The following GSDME variants were observed in gnomAD, a reference collection of about 807,000 sequenced individuals.
The protein encoded by GSDME is gasdermin-E.
A neutral mutation model predicts 47.5 loss-of-function variants in GSDME; 44 were observed. The ratio of observed to expected loss-of-function variants is 0.93; its 90% CI spans 0.73 to 1.19. GSDME has a LOEUF of 1.19. Ranked by LOEUF, GSDME falls within the 50% of genes most tolerant of loss-of-function variation. The pLI is 0.00. For missense variants in GSDME, 663 were observed against 604.2 expected, an observed-to-expected ratio of 1.10 and a Z score of -1.02; for synonymous variants, 258 against 252.8, an observed-to-expected ratio of 1.02 and a Z score of -0.20.
chr7:24,763,411 T>C, the GSDME span, among the ~76,000 whole-genome samples: 2 of 151,290 alleles, frequency 1.3e-5, no homozygotes, highest in African/African-American at 4.9e-5. The surrounding 1 kb of genome is among the most constrained non-coding windows in gnomAD (Gnocchi z 4.3). Context: ...ATAAGGGTGA[T>C]CCAACTCAAA....
At chr7:24,794,513 C>T in the GSDME span, among the ~76,000 whole-genome samples, 9 of 152,282 alleles carry the variant, frequency 5.9e-5, no homozygotes, top group South Asian at 1.5e-3. Context: ...GCTGCAACCA[C>T]GTATCTATGT....
upstream of GSDME, among the ~76,000 whole-genome samples, chr7:24,759,103 T>G (rs547805461): frequency 3.9e-5 from 6 of 152,178 alleles, no homozygotes; most frequent in Non-Finnish European, 8.8e-5. Flanking sequence ...GATTTGCTAA[T>G]GTGATGAGAT....
chr7:24,760,364 C>T (rs141457290), upstream of GSDME, among the ~76,000 whole-genome samples: 93 of 152,266 alleles, frequency 6.1e-4, no homozygotes, highest in East Asian at 6.4e-3. This position sits in a 1 kb window ranked among gnomAD's most constrained non-coding sequence, Gnocchi z 4.2. Context: ...GAGACCTGGA[C>T]GCTTTCAGAT....
rs371973328 is a variant in GSDME at position 24,699,009 on chromosome 7, C to G, written c.*17G>C. The G allele has an allele frequency of 2.6e-6, 4 of 1,558,394 alleles. No individual in the cohort carries two copies. The highest frequency in any genetic ancestry group is 3.5e-6 in the Non-Finnish European group (4 of 1,130,452). On this transcript the variant is annotated 3_prime_UTR_variant, in exon 10 of 10. Transcript: ENST00000645220. ...TAGCCTTGGCCAGTAACACGTACTT[C>G]TAGTTCACATATGACATCATGAATG...
chr7:24,768,763 T>C, the GSDME span, among the ~76,000 whole-genome samples: 1 of 152,258 alleles, frequency 6.6e-6, no homozygotes, highest in Non-Finnish European at 1.5e-5. The surrounding 1 kb of genome is among the most constrained non-coding windows in gnomAD (Gnocchi z 5.6). Context: ...ACCAAATTAA[T>C]TTGCTTATGA....
At chr7:24,784,337 G>A in the GSDME span, among the ~76,000 whole-genome samples, 1 of 152,302 alleles carries the variant, frequency 6.6e-6, no homozygotes, top group Non-Finnish European at 1.5e-5. Flanking sequence ...ACAAGGTGAA[G>A]TCCCACGATA....
At chr7:24,776,083 G>A in the GSDME span, among the ~76,000 whole-genome samples, 1 of 150,976 alleles carries the variant, frequency 6.6e-6, no homozygotes, top group East Asian at 1.9e-4. Context: ...GGAAGGCTGA[G>A]GCAGGAGAAT....
chr7:24,750,519 G>A (rs1478314138), intron 1 of GSDME, among the ~76,000 whole-genome samples: 1 of 152,144 alleles, frequency 6.6e-6, no homozygotes, highest in Non-Finnish European at 1.5e-5. Context: ...AGGCTGAGGT[G>A]GGAGGATTGC....
At chr7:24,703,208 G>A (rs995325687) in intron 8 of GSDME, 3 of 344,372 alleles carry the variant, frequency 8.7e-6, no homozygotes, top group East Asian at 7.5e-5. Context: ...GCAGCCTCAG[G>A]TACACCTCTC....
At position 24,724,119 on chromosome 7, in the gene GSDME, C is replaced by T. The variant is rs577232858; in HGVS notation, c.405-4901G>A. Reference sequence around the variant, plus strand: ...CCAGATGGCGGGGAGGGGCTTTTCACCTTTTCTCTTTTGACCTTTTGACAT... The same window carrying T: ...CCAGATGGCGGGGAGGGGCTTTTCATCTTTTCTCTTTTGACCTTTTGACAT... On this transcript the variant is annotated intron_variant, in intron 3 of 9. Transcript: ENST00000645220. This position sits in a 1 kb window ranked among gnomAD's most constrained non-coding sequence, Gnocchi z 4.8. Among the ~76,000 whole-genome samples, 72 of 151,760 alleles carry T rather than the reference C, an allele frequency of 4.7e-4. No individual in the cohort carries two copies. Among genetic ancestry groups the T allele is most frequent in the Middle Eastern group, 3.4e-3 (1 of 294 alleles).
rs529120713 is a variant in GSDME at position 24,711,779 on chromosome 7, C to T, written c.698-1391G>A. On this transcript the variant is annotated intron_variant, in intron 5 of 9. Transcript: ENST00000645220. ...GCAGTGAGCCAAGATCGCACCACTG[C>T]ACTCCAGCCTGGGCAATAGAGCAAG... is the stretch of plus-strand genomic sequence containing the variant. Among the ~76,000 whole-genome samples the T allele has an allele frequency of 3.8e-4, 56 of 146,084 alleles. No individual in the cohort carries two copies. The Middle Eastern group carries it at 0.011, about 29-fold the overall frequency.
At chr7:24,790,720 G>A in the GSDME span, among the ~76,000 whole-genome samples, 3 of 152,178 alleles carry the variant, frequency 2.0e-5, no homozygotes, top group African/African-American at 4.8e-5. This position sits in a 1 kb window ranked among gnomAD's most constrained non-coding sequence, Gnocchi z 4.1. Context: ...ACCATAGGGG[G>A]CTCAGATGGG....
chr7:24,709,840 G>C (rs1789276473), intron 6 of GSDME, among the ~76,000 whole-genome samples: 1 of 152,064 alleles, frequency 6.6e-6, no homozygotes, highest in Admixed American at 6.6e-5. Flanking sequence ...ATGAAGCCCA[G>C]AATATAACAA....
chr7:24,706,984 T>G (rs1789138158), intron 7 of GSDME, among the ~76,000 whole-genome samples: 1 of 152,234 alleles, frequency 6.6e-6, no homozygotes, highest in African/African-American at 2.4e-5. Context: ...CACAGGGTGC[T>G]GGCCTGACAT....
At chr7:24,737,602 C>T (rs1163639377) in intron 3 of GSDME, among the ~76,000 whole-genome samples, 1 of 151,940 alleles carries the variant, frequency 6.6e-6, no homozygotes, top group Non-Finnish European at 1.5e-5. Flanking sequence ...CCTACTCAAA[C>T]TATTCCAAAA....
Position 24,706,307 on chromosome 7 carries a change from GC to G in GSDME, c.1059del (p.Gln353HisfsTer32). On this transcript the variant is annotated frameshift_variant, in exon 8 of 10. Coordinates refer to ENST00000645220, the MANE Select transcript of GSDME (RefSeq NM_001127453.2). LOFTEE classifies it high-confidence loss of function. ...AGCTGCAGGAAGGCCACAAGGTCCT[GC>G]TGCTGCCGGGGCTTCAGCTCCCCCA... ...AVLGELKPRQ[Q>X]QDLVAFLQLV... The G allele has an allele frequency of 6.2e-7, 1 of 1,613,928 alleles. No individual in the cohort carries two copies. Among genetic ancestry groups the G allele is most frequent in the South Asian group, 1.1e-5 (1 of 91,070 alleles).
the GSDME span, among the ~76,000 whole-genome samples, chr7:24,787,567 C>A: frequency 6.6e-6 from 1 of 152,080 alleles, no homozygotes; most frequent in Non-Finnish European, 1.5e-5. The surrounding 1 kb of genome is among the most constrained non-coding windows in gnomAD (Gnocchi z 5.0). Flanking sequence ...GTCGATATAC[C>A]TTTTCTAGTC....
At position 24,721,369 on chromosome 7, in the gene GSDME, A is replaced by G. The variant is rs189624437; in HGVS notation, c.405-2151T>C. 3.3e-5 allele frequency among the ~76,000 whole-genome samples: 5 copies of G among 152,364 alleles called. No homozygotes were observed. In the East Asian group the frequency reaches 5.8e-4, roughly 18 times the overall value. On this transcript the variant is annotated intron_variant, in intron 3 of 9. Coordinates refer to ENST00000645220, the MANE Select transcript of GSDME (RefSeq NM_001127453.2). The surrounding 1 kb of genome is among the most constrained non-coding windows in gnomAD (Gnocchi z 4.1). ...TGATAAAAATACATTGATGACAACC[A>G]CAAAGCTGCCGAGAGACTCCATTTC... is the stretch of plus-strand genomic sequence containing the variant.
chr7:24,744,736 A>G lies in GSDME; in HGVS notation c.230T>C (p.Phe77Ser), dbSNP rs377745504. 5.6e-6 allele frequency: 9 copies of G among 1,613,942 alleles called. No homozygotes were observed. In the South Asian group the frequency reaches 6.6e-5, roughly 12 times the overall value. Reference protein sequence around the residue: ...FPSPVVVESDFVKYEGKFANH... With the variant: ...FPSPVVVESDSVKYEGKFANH... ...TGCAAACTTGCCCTCGTATTTCACA[A>G]AGTCCGACTCCACGACCACTGGAAT... Residue 77 changes from phenylalanine (F) to serine (S), a missense_variant, in exon 3 of 10, where the codon TTT becomes TCT. Physicochemically the swap from Phe to Ser is radical, Grantham distance 155. Coordinates refer to ENST00000645220, the MANE Select transcript of GSDME (RefSeq NM_001127453.2). This position sits in a 1 kb window ranked among gnomAD's most constrained non-coding sequence, Gnocchi z 4.5.
Sources: allele counts gnomAD v4.1 joint callset (sites outside exome capture counted in the v4.1 genomes callset), GRCh38; gene constraint gnomAD v4.1.1; non-coding constraint Gnocchi (gnomAD v3.1); transcripts MANE v1.5; gene names NCBI Gene and HGNC (gene_info 2026-07-23, HGNC 2026-07-21).